The following FSTL5 variants were observed in gnomAD, a reference collection of about 807,000 sequenced individuals.
The protein encoded by FSTL5 is follistatin like 5, also known as follistatin-related protein 5.
FSTL5 carries 62 observed loss-of-function variants against 89.1 expected under a neutral mutation model. That is an observed-to-expected ratio of 0.70 (90% CI 0.57 to 0.86). FSTL5 has a LOEUF of 0.86. Among genes scored for constraint, FSTL5 ranks in the 40% least tolerant of loss-of-function variants. The pLI is 0.00. For synonymous variants in FSTL5, 383 were observed against 346.2 expected (o/e 1.11, Z -1.18); for missense variants, 1,057 against 1,001.6 (o/e 1.06, Z -0.75).
At chr4:161,500,632 C>A (rs1730262307) in intron 11 of FSTL5, among the ~76,000 whole-genome samples, 1 of 152,070 alleles carries the variant, frequency 6.6e-6, no homozygotes, top group Non-Finnish European at 1.5e-5. Flanking sequence ...TTTTCTTAAA[C>A]TAATTTTTGT....
intron 15 of FSTL5, among the ~76,000 whole-genome samples, chr4:161,452,813 T>C (rs923502617): frequency 3.9e-5 from 6 of 152,222 alleles, no homozygotes; most frequent in Admixed American, 2.0e-4. Flanking sequence ...AAAATACCCA[T>C]GCATTTCACT....
chr4:161,998,647 T>A (rs952091821), intron 3 of FSTL5, among the ~76,000 whole-genome samples: 5 of 152,298 alleles, frequency 3.3e-5, no homozygotes, highest in African/African-American at 1.2e-4. Context: ...TCTCTTACAA[T>A]ATGTATTCAA....
At chr4:162,015,697 A>G (rs1474006848) in intron 3 of FSTL5, among the ~76,000 whole-genome samples, 1 of 152,174 alleles carries the variant, frequency 6.6e-6, no homozygotes, top group African/African-American at 2.4e-5. Context: ...ACTAGTCATA[A>G]ACTGTGAGGG....
intron 2 of FSTL5, among the ~76,000 whole-genome samples, chr4:162,091,168 C>T (rs1286173356): frequency 1.3e-5 from 2 of 152,144 alleles, no homozygotes; most frequent in Non-Finnish European, 2.9e-5. Context: ...ATTGTCACTT[C>T]AGCCACCCTG....
intron 13 of FSTL5, among the ~76,000 whole-genome samples, chr4:161,472,344 T>C (rs1418418255): frequency 6.6e-6 from 1 of 152,160 alleles, no homozygotes; most frequent in African/African-American, 2.4e-5. Context: ...TATTTTATCT[T>C]TTGTCTAATT....
At chr4:161,827,846 G>T (rs995906439) in intron 4 of FSTL5, among the ~76,000 whole-genome samples, 3 of 152,094 alleles carry the variant, frequency 2.0e-5, no homozygotes, top group East Asian at 3.9e-4. Context: ...CTGAGAACTT[G>T]CCCCATGCTA....
At chr4:161,436,982 T>C (rs1732579597) in intron 15 of FSTL5, among the ~76,000 whole-genome samples, 1 of 152,222 alleles carries the variant, frequency 6.6e-6, no homozygotes, top group Admixed American at 6.5e-5. Context: ...ATACAATGAT[T>C]GTAATTTTGT....
At chr4:162,132,001 C>A (rs972255566) in intron 1 of FSTL5, among the ~76,000 whole-genome samples, 1 of 152,186 alleles carries the variant, frequency 6.6e-6, no homozygotes, top group Non-Finnish European at 1.5e-5. Context: ...ATATAGGTGG[C>A]GCAAGCCTCA....
intron 4 of FSTL5, among the ~76,000 whole-genome samples, chr4:161,787,419 C>T (rs376079435): frequency 2.0e-5 from 3 of 152,000 alleles, no homozygotes; most frequent in Admixed American, 1.3e-4. Flanking sequence ...AAGGTCATTA[C>T]GGTTGAATTA....
chr4:161,970,146 GA>G (rs1735441593), intron 3 of FSTL5, among the ~76,000 whole-genome samples: 1 of 152,054 alleles, frequency 6.6e-6, no homozygotes, highest in African/African-American at 2.4e-5. Context: ...AAAAAAGAGT[GA>G]AATTAAAGCC....
At chr4:162,013,963 G>A (rs902342931) in intron 3 of FSTL5, among the ~76,000 whole-genome samples, 15 of 152,118 alleles carry the variant, frequency 9.9e-5, no homozygotes, top group Non-Finnish European at 1.9e-4. Flanking sequence ...ATGGATCTCA[G>A]AAGCCAAAAT....
At chr4:161,426,911 T>C (rs996243297) in intron 15 of FSTL5, among the ~76,000 whole-genome samples, 4 of 152,196 alleles carry the variant, frequency 2.6e-5, no homozygotes, top group African/African-American at 9.7e-5. Context: ...CCAAAGATCA[T>C]TTAAATATAA....
At chr4:162,153,999 G>T (rs1335745912) in intron 1 of FSTL5, among the ~76,000 whole-genome samples, 1 of 151,244 alleles carries the variant, frequency 6.6e-6, no homozygotes, top group Non-Finnish European at 1.5e-5. Flanking sequence ...TAGAGATGGG[G>T]TTTCACTAGG....
chr4:161,646,023 TA>T (rs977325623), intron 7 of FSTL5, among the ~76,000 whole-genome samples: 9 of 151,560 alleles, frequency 5.9e-5, no homozygotes, highest in African/African-American at 2.2e-4. Flanking sequence ...CACTCTATAT[TA>T]AAAAATAACA....
intron 7 of FSTL5, among the ~76,000 whole-genome samples, chr4:161,618,750 A>G (rs954401348): frequency 2.8e-4 from 42 of 152,260 alleles, no homozygotes; most frequent in African/African-American, 3.6e-4. Flanking sequence ...GGATTTTTGC[A>G]TCAATGTTCA....
intron 8 of FSTL5, among the ~76,000 whole-genome samples, chr4:161,572,095 G>C (rs1578934973): frequency 6.6e-6 from 1 of 151,662 alleles, no homozygotes; most frequent in Non-Finnish European, 1.5e-5. Flanking sequence ...GGATCACCTG[G>C]GGTCAGGAGT....
At chr4:161,934,332 T>C (rs923003439) in intron 3 of FSTL5, among the ~76,000 whole-genome samples, 6 of 152,088 alleles carry the variant, frequency 3.9e-5, no homozygotes, top group Non-Finnish European at 7.4e-5. Context: ...GGGATCTTAA[T>C]TTGACATCGC....
At chr4:161,615,779 T>A (rs923562913) in intron 7 of FSTL5, among the ~76,000 whole-genome samples, 1 of 152,146 alleles carries the variant, frequency 6.6e-6, no homozygotes, top group South Asian at 2.1e-4. Flanking sequence ...TTAGAACGAA[T>A]GCACAAGTAT....
chr4:161,949,132 G>A (rs568248396), intron 3 of FSTL5, among the ~76,000 whole-genome samples: 12 of 152,162 alleles, frequency 7.9e-5, no homozygotes, highest in Admixed American at 2.0e-4. Flanking sequence ...ATTCCTTCGC[G>A]TGTGGTTCCT....
Sources: allele counts gnomAD v4.1 joint callset (sites outside exome capture counted in the v4.1 genomes callset), GRCh38; gene constraint gnomAD v4.1.1; transcripts MANE v1.5; gene names NCBI Gene and HGNC (gene_info 2026-07-23, HGNC 2026-07-21).